CMIP: variants seen among roughly 807,000 people sequenced by gnomAD.
CMIP encodes the protein C-Maf-inducing protein.
CMIP carries 13 observed loss-of-function variants against 97.3 expected under a neutral mutation model. That is an observed-to-expected ratio of 0.13 (90% confidence interval 0.09 to 0.21). CMIP has a LOEUF of 0.21. Ranked by LOEUF, CMIP falls within the 10% of genes least tolerant of loss-of-function variation. CMIP has a pLI of 1.00. For missense variants in CMIP, 847 were observed against 1,024.9 expected (o/e 0.83, Z 2.37); for synonymous variants, 538 against 436.3 (o/e 1.23, Z -2.91).
At chr16:81,601,974 C>T (rs376667447) in intron 1 of CMIP, among the ~76,000 whole-genome samples, 1 of 152,218 alleles carries the variant, frequency 6.6e-6, no homozygotes, top group Admixed American at 6.5e-5. Context: ...TTGGCAACAA[C>T]GTAAAACGTG....
rs1567673766 is a variant in CMIP at position 81,701,789 on chromosome 16, C to G, written c.1885C>G (p.Leu629Val). 1 of 1,613,618 alleles carries G rather than the reference C, an allele frequency of 6.2e-7. No homozygotes were observed. Among genetic ancestry groups the G allele is most frequent in the Non-Finnish European group, 8.5e-7 (1 of 1,179,858 alleles). Reference sequence around the variant, plus strand: ...GCAGCTGTGTGACCGGCAGCGGGAGCTGAAGGAGCTGGTGAGTCCCCGGCT... The same window carrying G: ...GCAGCTGTGTGACCGGCAGCGGGAGGTGAAGGAGCTGGTGAGTCCCCGGCT... ...YEQLCDRQRELKELQRKGGPT... is the reference protein window; with the variant it reads ...YEQLCDRQREVKELQRKGGPT... The change falls in exon 16 of 21, where the codon CTG (leucine) becomes GTG (valine). Residue 629 changes from leucine to valine, a missense_variant. Around this residue, in one of 4 missense-constraint regions of CMIP, gnomAD observed 266 missense variants for 384.2 expected, o/e 0.69. Coordinates refer to ENST00000537098, the MANE Select transcript of CMIP (RefSeq NM_198390.3).
intron 3 of CMIP, among the ~76,000 whole-genome samples, chr16:81,646,666 T>C (rs1464345901): frequency 6.6e-6 from 1 of 152,238 alleles, no homozygotes; most frequent in Non-Finnish European, 1.5e-5. Context: ...AGGCAATGAA[T>C]GTTCCACTTT....
rs938368567 is a variant in CMIP, at chr16:81,711,031, C to A, written c.*1232C>A. 2 of 148,306 alleles carry A rather than the reference C, an allele frequency of 1.3e-5. No homozygotes were observed. Among genetic ancestry groups the A allele is most frequent in the Non-Finnish European group, 3.0e-5 (2 of 67,114 alleles). The allele number at this position is 148,306 out of a possible 1,614,324, so 9.2% of individuals were successfully genotyped here. ...TGCCCTCCCCACCCCACCCCCGCCA[C>A]CCCCCACATGTGACCACTGCAACGA... On this transcript the variant is annotated 3_prime_UTR_variant, in exon 21 of 21. Coordinates refer to ENST00000537098, the MANE Select transcript of CMIP (RefSeq NM_198390.3).
At chr16:81,613,795 C>T (rs902117148) in intron 2 of CMIP, among the ~76,000 whole-genome samples, 8 of 152,178 alleles carry the variant, frequency 5.3e-5, no homozygotes, top group Non-Finnish European at 7.4e-5. Flanking sequence ...TCCATCTATC[C>T]GCCCACCCAT....
chr16:81,479,921 T>A (rs1390630613), intron 1 of CMIP, among the ~76,000 whole-genome samples: 2 of 152,180 alleles, frequency 1.3e-5, no homozygotes, highest in Admixed American at 1.3e-4. Flanking sequence ...GAAATAATGA[T>A]GAAAGCTTGG....
chr16:81,474,171 T>TC (rs1164627621), intron 1 of CMIP, among the ~76,000 whole-genome samples: 1 of 151,980 alleles, frequency 6.6e-6, no homozygotes, highest in Non-Finnish European at 1.5e-5. Context: ...GTACTCAGGT[T>TC]CCCCCCTGCT....
At position 81,493,351 on chromosome 16, in the gene CMIP, C is replaced by T. The variant is rs547476809; in HGVS notation, c.300+47810C>T. Among the ~76,000 whole-genome samples the T allele has an allele frequency of 1.4e-4, 11 of 79,722 alleles. No homozygotes were observed. In the East Asian group the frequency reaches 4.4e-3, roughly 32 times the overall value. The allele number at this position is 79,722 out of a possible 152,430, so 52.3% of individuals were successfully genotyped here. ...GAGCTCTGGGGTCACTCACCCTCCGCGTTACCTGTCGTTACCTGTCGTTAC... is the reference window on the plus strand; with the variant it reads ...GAGCTCTGGGGTCACTCACCCTCCGTGTTACCTGTCGTTACCTGTCGTTAC... On this transcript the variant is annotated intron_variant, in intron 1 of 20. Coordinates refer to ENST00000537098, the MANE Select transcript of CMIP (RefSeq NM_198390.3).
chr16:81,628,901 C>T (rs917995394), intron 3 of CMIP, among the ~76,000 whole-genome samples: 4 of 151,860 alleles, frequency 2.6e-5, no homozygotes, highest in African/African-American at 2.4e-5. Context: ...TTTCGGAGGC[C>T]GAGGCGGGAG....
At chr16:81,504,465 A>C (rs2089668315) in intron 1 of CMIP, among the ~76,000 whole-genome samples, 1 of 151,802 alleles carries the variant, frequency 6.6e-6, no homozygotes, top group South Asian at 2.1e-4. Flanking sequence ...CAACATGGTG[A>C]AACTCTGTCT....
At chr16:81,579,812 T>C (rs1423349010) in intron 1 of CMIP, among the ~76,000 whole-genome samples, 1 of 152,074 alleles carries the variant, frequency 6.6e-6, no homozygotes, top group African/African-American at 2.4e-5. Context: ...AAAAATTAGC[T>C]GGGCGTGGTG....
At chr16:81,610,445 A>C (rs1248722601) in intron 2 of CMIP, 5 of 986,050 alleles carry the variant, frequency 5.1e-6, no homozygotes, top group East Asian at 1.1e-4. Context: ...GAGGAGGAGG[A>C]GGCGGCTTGC....
intron 2 of CMIP, among the ~76,000 whole-genome samples, chr16:81,608,530 C>A (rs905543580): frequency 6.6e-6 from 1 of 152,016 alleles, no homozygotes; most frequent in African/African-American, 2.4e-5. Context: ...ATGGAAGATC[C>A]TGATTGGCTC....
At chr16:81,501,360 G>GA in intron 1 of CMIP, among the ~76,000 whole-genome samples, 1 of 152,368 alleles carries the variant, frequency 6.6e-6, no homozygotes, top group East Asian at 1.9e-4. Flanking sequence ...AGCCTCAGGG[G>GA]ACCTGAAGCC....
chr16:81,583,413 T>C (rs145740475), intron 1 of CMIP, among the ~76,000 whole-genome samples: 51 of 152,396 alleles, frequency 3.3e-4, no homozygotes, highest in African/African-American at 1.1e-3. Context: ...TTGTCACTTG[T>C]TGAGCAACTG....
chr16:81,619,179 C>T (rs1440308779), intron 2 of CMIP: 1 of 152,256 alleles, frequency 6.6e-6, no homozygotes, highest in Non-Finnish European at 1.5e-5. Flanking sequence ...TTGCCTCCTG[C>T]CTGCTTTGCA....
At chr16:81,507,159 G>C (rs1357062121) in intron 1 of CMIP, among the ~76,000 whole-genome samples, 2 of 152,280 alleles carry the variant, frequency 1.3e-5, no homozygotes, top group African/African-American at 4.8e-5. Context: ...AGGAGGCTGA[G>C]GCAGGAGAAT....
intron 10 of CMIP, among the ~76,000 whole-genome samples, chr16:81,684,978 C>T (rs1466015506): frequency 1.3e-5 from 2 of 152,226 alleles, no homozygotes; most frequent in African/African-American, 2.4e-5. Context: ...AGTCCCGAGG[C>T]GGGGACTCTG....
chr16:81,661,287 C>T (rs899945666), intron 6 of CMIP, among the ~76,000 whole-genome samples: 2 of 152,224 alleles, frequency 1.3e-5, no homozygotes, highest in East Asian at 1.9e-4. Flanking sequence ...GGCTGGCCCA[C>T]GGTGGGGTGC....
intron 1 of CMIP, among the ~76,000 whole-genome samples, chr16:81,523,409 CCT>C (rs1391060518): frequency 1.3e-5 from 2 of 152,150 alleles, no homozygotes; most frequent in African/African-American, 2.4e-5. Flanking sequence ...AGACTCACCC[CCT>C]GTCACACAGA....
Sources: gnomAD v4.1 joint callset for allele counts (sites outside exome capture counted in the v4.1 genomes callset) on GRCh38, gnomAD v4.1.1 for gene constraint, gnomAD v4.1.1 regional missense constraint, MANE v1.5 for transcripts, NCBI Gene and HGNC (gene_info 2026-07-23, HGNC 2026-07-21) for gene names.